The following CYP3A5 variants were observed in gnomAD, a reference collection of about 807,000 sequenced individuals.
CYP3A5 encodes cytochrome P450 family 3 subfamily A member 5.
A neutral mutation model predicts 55.9 loss-of-function variants in CYP3A5; 51 were observed. That is an observed-to-expected ratio of 0.91 (90% CI 0.73 to 1.15). CYP3A5 has a LOEUF of 1.15. Among genes scored for constraint, CYP3A5 ranks in the 50% most tolerant of loss-of-function variants. The pLI, the probability that CYP3A5 is intolerant of heterozygous loss-of-function variation, is 0.00. For missense variants in CYP3A5, 533 were observed against 596.6 expected, an observed-to-expected ratio of 0.89 and a Z score of 1.11; for synonymous variants, 196 against 213.9, an observed-to-expected ratio of 0.92 and a Z score of 0.73.
rs1810886075 is a variant in CYP3A5, at chr7:99,665,239, T to C, written c.597A>G (p.Pro199=). The change falls in exon 7 of 13, where the codon CCA becomes CCG. Residue 199 remains proline (P), a synonymous_variant. Coordinates refer to ENST00000222982, the MANE Select transcript of CYP3A5 (RefSeq NM_000777.5). ...TAGTGCTCTCCACAAAGGGGTCTTGTGGATTGTTGAGAGAGTCGATGTTCA... is the reference window on the plus strand; with the variant it reads ...TAGTGCTCTCCACAAAGGGGTCTTGCGGATTGTTGAGAGAGTCGATGTTCA... ...FGVNIDSLNN[P]QDPFVESTKK... The C allele has an allele frequency of 6.2e-7, 1 of 1,614,174 alleles. No homozygotes were observed. Among genetic ancestry groups the C allele is most frequent in the Admixed American group, 1.7e-5 (1 of 60,024 alleles).
Position 99,663,993 on chromosome 7 carries a change from T to C in CYP3A5, c.773A>G (p.Lys258Arg). ...FLSKSVNRMK[K>R]SRLNDKQKHR... ...CTTTTGTTTGTCGTTGAGGCGACTT[T>C]TCTTCATTCTGTTTACAGATTTACT... Residue 258 changes from lysine (K) to arginine (R), a missense_variant, in exon 8 of 13, where the codon AAA (lysine) becomes AGA (arginine). Lys to Arg is a conservative substitution (Grantham distance 26). Coordinates refer to ENST00000222982, the MANE Select transcript of CYP3A5 (RefSeq NM_000777.5). 6.3e-7 allele frequency: 1 copy of C among 1,591,742 alleles called. No individual in the cohort carries two copies. Among genetic ancestry groups the C allele is most frequent in the Non-Finnish European group, 8.5e-7 (1 of 1,174,826 alleles).
chr7:99,665,297 C>G lies in CYP3A5; in HGVS notation c.539G>C (p.Ser180Thr). ...TGATGTGCCAGTAATCACATCCATG[C>G]TGTAGGCCCCAAAGATGCTGAGTGG... ...VTLKDIFGAY[S>T]MDVITGTSFG... is the part of the protein sequence containing the mutation. Residue 180 changes from serine (S) to threonine (T), a missense_variant, in exon 7 of 13, where the codon AGC becomes ACC. Transcript: ENST00000222982. 6.2e-7 allele frequency: 1 copy of G among 1,614,154 alleles called. No individual in the cohort carries two copies. Among genetic ancestry groups the G allele is most frequent in the Non-Finnish European group, 8.5e-7 (1 of 1,180,030 alleles).
intron 10 of CYP3A5, among the ~76,000 whole-genome samples, chr7:99,656,511 C>A (rs1270836765): frequency 6.6e-6 from 1 of 152,058 alleles, no homozygotes; most frequent in Non-Finnish European, 1.5e-5. Context: ...TTTTGTATCA[C>A]TGTTCATCAG....
intron 1 of CYP3A5, chr7:99,677,194 A>C: frequency 1.0e-6 from 1 of 985,394 alleles, no homozygotes; most frequent in East Asian, 1.1e-4. Flanking sequence ...ATGGTTCTGG[A>C]TCCTTGCAGA....
rs1271163092 is a variant in CYP3A5 at position 99,674,547 on chromosome 7, A to T, written c.204T>A (p.Tyr68Ter). ...WKFDTECYKK[Y>*]GKMWGTYEGQ... ...AGAATACTCACCCCCACATTTTTCC[A>T]TACTTTTTATAGCACTCTGTGTCAA... The change falls in exon 3 of 13, where the codon TAT (tyrosine) becomes TAA (stop). Residue 68 changes from tyrosine to a stop codon, truncating the protein, a stop_gained. Transcript: ENST00000222982. LOFTEE classifies it high-confidence loss of function. The T allele has an allele frequency of 6.2e-7, 1 of 1,613,624 alleles. No homozygotes were observed. The highest frequency in any genetic ancestry group is 8.5e-7 in the Non-Finnish European group (1 of 1,179,758).
intron 11 of CYP3A5, chr7:99,652,188 CA>C (rs1274922264): frequency 6.7e-6 from 1 of 148,228 alleles, no homozygotes; most frequent in African/African-American, 2.5e-5. Context: ...TATATATATA[CA>C]TATATATGTA....
chr7:99,675,365 G>A (rs555366834), intron 2 of CYP3A5, among the ~76,000 whole-genome samples: 10 of 152,266 alleles, frequency 6.6e-5, no homozygotes, highest in African/African-American at 2.4e-4. Context: ...GAAAGATGAA[G>A]AAGAAATTAC....
intron 3 of CYP3A5, among the ~76,000 whole-genome samples, chr7:99,673,641 C>G (rs1322319504): frequency 6.6e-6 from 1 of 152,172 alleles, no homozygotes; most frequent in Non-Finnish European, 1.5e-5. Context: ...ATCTCTCAAC[C>G]CTTCTTTCAA....
At chr7:99,659,711 G>C (rs1046628281) in intron 10 of CYP3A5, 1 of 152,658 alleles carries the variant, frequency 6.6e-6, no homozygotes. Context: ...CTTGAGCTGC[G>C]GTGGGCTTCA....
chr7:99,648,199 T>G lies in CYP3A5; in HGVS notation c.*106A>C. 1 of 1,479,628 alleles carries G rather than the reference T, an allele frequency of 6.8e-7. No homozygotes were observed. The highest frequency in any genetic ancestry group is 9.0e-7 in the Non-Finnish European group (1 of 1,110,560). The allele number at this position is 1,479,628 out of a possible 1,614,324, so 91.7% of individuals were successfully genotyped here. A position where few individuals can be genotyped will look rare whatever the true frequency, so the allele number is the denominator to read the frequency against. ...ATCACCAACTACTCATGCAGTACAT[T>G]AGATTAAGCCCATCTTTATTTCAAG... is the stretch of plus-strand genomic sequence containing the variant. On this transcript the variant is annotated 3_prime_UTR_variant, in exon 13 of 13. Coordinates refer to ENST00000222982, the MANE Select transcript of CYP3A5 (RefSeq NM_000777.5).
intron 10 of CYP3A5, among the ~76,000 whole-genome samples, chr7:99,655,896 A>G (rs1048239339): frequency 1.3e-5 from 2 of 152,194 alleles, no homozygotes; most frequent in African/African-American, 4.8e-5. Context: ...TTATTGGTGT[A>G]TAAGAATATT....
intron 8 of CYP3A5, chr7:99,663,207 C>T: frequency 9.2e-7 from 1 of 1,088,844 alleles, no homozygotes; most frequent in Non-Finnish European, 1.1e-6. Context: ...AACTGCTTAC[C>T]CAGGAAGAAG....
chr7:99,658,638 G>T (rs2151388118), intron 10 of CYP3A5, among the ~76,000 whole-genome samples: 1 of 152,302 alleles, frequency 6.6e-6, no homozygotes, highest in South Asian at 2.1e-4. Context: ...TGCCTTGCTA[G>T]ATTGGGGAAG....
chr7:99,660,552 G>T lies in CYP3A5; in HGVS notation c.973C>A (p.Pro325Thr). 1 of 1,613,840 alleles carries T rather than the reference G, an allele frequency of 6.2e-7. No individual in the cohort carries two copies. Among genetic ancestry groups the T allele is most frequent in the Non-Finnish European group, 8.5e-7 (1 of 1,179,928 alleles). The change falls in exon 10 of 13, where the codon CCT becomes ACT. Residue 325 changes from proline to threonine, a missense_variant. By Grantham distance (38) the Pro-to-Thr change is conservative (BLOSUM62 -1). Coordinates refer to ENST00000222982, the MANE Select transcript of CYP3A5 (RefSeq NM_000777.5). ...SFTLYELATH[P>T]DVQQKLQKEI... ...TTTTGCAGTTTCTGCTGGACATCAG[G>T]GTGAGTGGCCAGTTCATATAAAGTG...
chr7:99,661,369 C>T (rs1258483398), intron 9 of CYP3A5, among the ~76,000 whole-genome samples: 1 of 152,188 alleles, frequency 6.6e-6, no homozygotes, highest in East Asian at 1.9e-4. Context: ...CTTTGACAGG[C>T]ATCAGGCAAT....
chr7:99,652,768 G>A lies in CYP3A5; in HGVS notation c.1038C>T (p.Thr346=). The A allele has an allele frequency of 6.2e-7, 1 of 1,612,420 alleles. No individual in the cohort carries two copies. The highest frequency in any genetic ancestry group is 8.5e-7 in the Non-Finnish European group (1 of 1,179,416). Residue 346 remains threonine, a synonymous_variant, in exon 11 of 13, where the codon ACC becomes ACT. Transcript: ENST00000222982. Reference sequence around the variant, plus strand: ...ACTCCATCTGTACCACGGCATCATAGGTAGGTGGTGCCTGGAAGGAAAGAA... The same window carrying A: ...ACTCCATCTGTACCACGGCATCATAAGTAGGTGGTGCCTGGAAGGAAAGAA... ...DAVLPNKAPP[T]YDAVVQMEYL... is the part of the protein sequence containing the mutation.
intron 10 of CYP3A5, among the ~76,000 whole-genome samples, chr7:99,655,025 G>A (rs1267572179): frequency 3.3e-5 from 5 of 152,040 alleles, no homozygotes; most frequent in East Asian, 1.9e-4. Flanking sequence ...CCATTCTGTC[G>A]GTTGCCTGTT....
chr7:99,671,994 T>C (rs1563001054), intron 4 of CYP3A5: 5 of 615,622 alleles, frequency 8.1e-6, no homozygotes, highest in Non-Finnish European at 1.4e-5. Context: ...GTCAATTTCC[T>C]GTACTATAGT....
chr7:99,675,902 C>T (rs968177199), intron 2 of CYP3A5, among the ~76,000 whole-genome samples: 23 of 150,924 alleles, frequency 1.5e-4, no homozygotes, highest in African/African-American at 5.4e-4. Flanking sequence ...CACTGTGTTG[C>T]CCAGGCTGTT....
Sources: gnomAD v4.1 joint callset for allele counts (sites outside exome capture counted in the v4.1 genomes callset) on GRCh38, gnomAD v4.1.1 for gene constraint, MANE v1.5 for transcripts, NCBI Gene and HGNC (gene_info 2026-07-23, HGNC 2026-07-21) for gene names.